EYS: variants seen among roughly 807,000 people sequenced by gnomAD.
EYS encodes EGF-like photoreceptor maintenance factor, also known as protein eyes shut homolog.
In EYS, 250 loss-of-function variants were observed where a neutral mutation model predicts 282.1. The observed-to-expected ratio is 0.89, with a 90% CI of 0.80 to 0.98. The LOEUF (loss-of-function observed/expected upper bound fraction) is 0.98, where lower values mean the gene tolerates loss of function less well. Among genes scored for constraint, EYS ranks in the 50% least tolerant of loss-of-function variants. The probability of loss-of-function intolerance (pLI) is 0.00; values close to 1 mark genes in which losing one functional copy is unlikely to be tolerated. For missense variants in EYS, 4,016 were observed against 3,709.0 expected (o/e 1.08, Z -2.15); for synonymous variants, 1,355 against 1,282.9 (o/e 1.06, Z -1.20).
intron 35 of EYS, among the ~76,000 whole-genome samples, chr6:63,962,399 A>T (rs1490535395): frequency 6.6e-6 from 1 of 152,200 alleles, no homozygotes; most frequent in East Asian, 1.9e-4. Flanking sequence ...CAAAGAACTC[A>T]AACAAATTTA....
intron 14 of EYS, among the ~76,000 whole-genome samples, chr6:64,986,274 C>T (rs1412574571): frequency 2.6e-5 from 4 of 151,458 alleles, no homozygotes; most frequent in African/African-American, 7.3e-5. Flanking sequence ...TCCTTTGCTA[C>T]ATCTATCTTT....
intron 14 of EYS, among the ~76,000 whole-genome samples, chr6:64,992,808 T>C (rs1290157932): frequency 1.3e-5 from 2 of 151,994 alleles, no homozygotes; most frequent in African/African-American, 4.8e-5. Flanking sequence ...GGCTTTAGTA[T>C]TTGGACAGAG....
intron 31 of EYS, among the ~76,000 whole-genome samples, chr6:64,133,720 C>T (rs1349277730): frequency 6.6e-6 from 1 of 152,042 alleles, no homozygotes; most frequent in Non-Finnish European, 1.5e-5. Flanking sequence ...TTCCCTAGAA[C>T]CATTTCTCCT....
At chr6:64,392,422 A>C (rs1269232866) in intron 28 of EYS, among the ~76,000 whole-genome samples, 1 of 150,416 alleles carries the variant, frequency 6.6e-6, no homozygotes, top group African/African-American at 2.5e-5. Flanking sequence ...ATTATAACAA[A>C]CTATCTCTCA....
intron 30 of EYS, among the ~76,000 whole-genome samples, chr6:64,242,077 C>T (rs1297702302): frequency 6.6e-6 from 1 of 152,106 alleles, no homozygotes; most frequent in African/African-American, 2.4e-5. Flanking sequence ...GAGTGTTTTA[C>T]TTCCAATTAC....
At chr6:65,524,275 C>A (rs983849016) in intron 2 of EYS, among the ~76,000 whole-genome samples, 7 of 152,122 alleles carry the variant, frequency 4.6e-5, no homozygotes, top group African/African-American at 1.7e-4. Context: ...CCAAAGTGGC[C>A]ATATGGCAGT....
In EYS at chr6:64,655,347, T is replaced by C. The variant is rs908740260; in HGVS notation, c.3444-29102A>G. 1.7e-4 allele frequency among the ~76,000 whole-genome samples: 15 copies of C among 88,904 alleles called. No individual in the cohort carries two copies. The South Asian group carries it at 3.4e-3, about 20-fold the overall frequency. 58.3% of individuals were successfully genotyped at this position (88,904 alleles called of 152,430 possible). On this transcript the variant is annotated intron_variant, in intron 22 of 42. Transcript: ENST00000503581. ...CATATTTTTAAAATATGCTTTTGAA[T>C]CTTTTTCTGCTCAAAGTCTAATAAT...
intron 2 of EYS, among the ~76,000 whole-genome samples, chr6:65,591,675 C>G (rs1215534029): frequency 2.0e-5 from 3 of 151,878 alleles, no homozygotes; most frequent in Non-Finnish European, 4.4e-5. Flanking sequence ...TCACCATTCT[C>G]TCTGTCTGGA....
intron 1 of EYS, among the ~76,000 whole-genome samples, chr6:65,644,198 CA>C (rs1417260639): frequency 6.6e-6 from 1 of 152,070 alleles, no homozygotes; most frequent in Non-Finnish European, 1.5e-5. Context: ...AAAAAACCTT[CA>C]GTGAAATAGA....
At chr6:64,787,559 G>T (rs918052589) in intron 22 of EYS, among the ~76,000 whole-genome samples, 1 of 150,440 alleles carries the variant, frequency 6.6e-6, no homozygotes, top group Non-Finnish European at 1.5e-5. Flanking sequence ...GGCCTTTGTT[G>T]AGCCCTTCAC....
intron 22 of EYS, among the ~76,000 whole-genome samples, chr6:64,781,957 T>C (rs1277521720): frequency 1.3e-5 from 2 of 152,206 alleles, no homozygotes; most frequent in Non-Finnish European, 2.9e-5. Flanking sequence ...GATATGAAAT[T>C]GATTATATCA....
intron 26 of EYS, among the ~76,000 whole-genome samples, chr6:64,444,766 T>C (rs564596255): frequency 3.3e-5 from 5 of 152,316 alleles, no homozygotes; most frequent in Admixed American, 1.3e-4. Flanking sequence ...GGGCTGATCA[T>C]TCATGAATGG....
intron 14 of EYS, among the ~76,000 whole-genome samples, chr6:64,975,571 C>T (rs1375896675): frequency 6.6e-6 from 1 of 151,514 alleles, no homozygotes; most frequent in East Asian, 1.9e-4. Context: ...TAAATAAAGC[C>T]CTGAAGACTC....
intron 33 of EYS, among the ~76,000 whole-genome samples, chr6:64,027,003 T>C (rs1434979083): frequency 6.6e-6 from 1 of 152,156 alleles, no homozygotes; most frequent in East Asian, 1.9e-4. Context: ...TACCGTTAGA[T>C]CAAACGCTGG....
intron 18 of EYS, among the ~76,000 whole-genome samples, chr6:64,896,829 C>T (rs924317430): frequency 3.3e-5 from 5 of 151,988 alleles, no homozygotes; most frequent in African/African-American, 4.8e-5. Context: ...TGAACAAAGC[C>T]GCCAGGAAGT....
intron 2 of EYS, among the ~76,000 whole-genome samples, chr6:65,636,946 G>A (rs1639902048): frequency 6.6e-6 from 1 of 152,000 alleles, no homozygotes; most frequent in Admixed American, 6.6e-5. Context: ...TGAATAGCTG[G>A]GACTACCAGT....
chr6:64,175,715 G>A (rs1490539046), intron 31 of EYS, among the ~76,000 whole-genome samples: 2 of 152,132 alleles, frequency 1.3e-5, no homozygotes, highest in African/African-American at 2.4e-5. Flanking sequence ...GTAAGGCATT[G>A]TCCGGTCATG....
chr6:64,864,174 A>C (rs1238510246), intron 19 of EYS, among the ~76,000 whole-genome samples: 1 of 152,060 alleles, frequency 6.6e-6, no homozygotes, highest in Non-Finnish European at 1.5e-5. Context: ...GTTACTAATC[A>C]TAAGTCATAC....
intron 12 of EYS, among the ~76,000 whole-genome samples, chr6:65,179,157 G>A (rs1049796637): frequency 2.0e-5 from 3 of 151,762 alleles, no homozygotes; most frequent in South Asian, 2.1e-4. Context: ...AAGAACTAGA[G>A]AAGCAAGAGC....
Sources: gnomAD v4.1 joint callset for allele counts (sites outside exome capture counted in the v4.1 genomes callset) on GRCh38, gnomAD v4.1.1 for gene constraint, MANE v1.5 for transcripts, NCBI Gene and HGNC (gene_info 2026-07-23, HGNC 2026-07-21) for gene names.